Variants in SLC22A4 observed in about 807,000 individuals in gnomAD.
SLC22A4 encodes solute carrier family 22 member 4.
In SLC22A4, 39 loss-of-function variants were observed where a neutral mutation model predicts 56.6. The observed-to-expected ratio is 0.69, with a 90% CI of 0.53 to 0.90. The LOEUF is 0.90. Ranked by LOEUF, SLC22A4 falls within the 40% of genes least tolerant of loss-of-function variation. The pLI is 0.00. For missense variants in SLC22A4, 594 were observed against 696.5 expected, an observed-to-expected ratio of 0.85 and a Z score of 1.66; for synonymous variants, 241 against 281.4, an observed-to-expected ratio of 0.86 and a Z score of 1.44.
rs540364573 is a variant in SLC22A4, at chr5:132,320,335, C to A, written c.653-1849C>A. Reference sequence around the variant, plus strand: ...CCCTTTCTCTTTTCCAAAATCAAACCCTCTGCCACTGAATCTCTGCTTAAG... The same window carrying A: ...CCCTTTCTCTTTTCCAAAATCAAACACTCTGCCACTGAATCTCTGCTTAAG... On this transcript the variant is annotated intron_variant, in intron 3 of 9. Coordinates refer to ENST00000200652, the MANE Select transcript of SLC22A4 (RefSeq NM_003059.3). 3.9e-4 allele frequency among the ~76,000 whole-genome samples: 59 copies of A among 152,286 alleles called. 1 individual carries two copies. The highest frequency in any genetic ancestry group is 2.1e-3 in the Admixed American group (32 of 15,302).
At chr5:132,314,826 G>A (rs900958354) in intron 3 of SLC22A4, among the ~76,000 whole-genome samples, 1 of 152,158 alleles carries the variant, frequency 6.6e-6, no homozygotes, top group East Asian at 1.9e-4. Flanking sequence ...AATTATTTGC[G>A]AAGAGCCCCG....
chr5:132,335,034 A>C, intron 7 of SLC22A4, 102 bp downstream of exon 7: 3 of 839,440 alleles, frequency 3.6e-6, no homozygotes, highest in Non-Finnish European at 6.2e-6. Flanking sequence ...TTTACATCAT[A>C]AGCCATTCAT....
chr5:132,335,244 C>T (rs771183103), intron 7 of SLC22A4, among the ~76,000 whole-genome samples: 3 of 152,210 alleles, frequency 2.0e-5, no homozygotes, highest in Non-Finnish European at 2.9e-5. Context: ...TCTGGCTACT[C>T]TCAAACATTT....
intron 4 of SLC22A4, among the ~76,000 whole-genome samples, chr5:132,324,137 C>T (rs273916): frequency 4.0e-5 from 6 of 151,798 alleles, no homozygotes; most frequent in Admixed American, 1.3e-4. Context: ...GATTACAGTG[C>T]GCTATATGAT....
chr5:132,335,033 TA>T (rs1219829952), intron 7 of SLC22A4, 101 bp downstream of exon 7: 1 of 843,750 alleles, frequency 1.2e-6, no homozygotes, highest in African/African-American at 1.7e-5. Context: ...CTTTACATCA[TA>T]AGCCATTCAT....
intron 8 of SLC22A4, among the ~76,000 whole-genome samples, chr5:132,337,417 C>T (rs1243597701): frequency 1.3e-5 from 2 of 151,434 alleles, no homozygotes; most frequent in East Asian, 1.9e-4. Flanking sequence ...GAACTACAGG[C>T]ATGCACACCG....
At chr5:132,302,489 G>C (rs910503000) in intron 1 of SLC22A4, among the ~76,000 whole-genome samples, 4 of 152,182 alleles carry the variant, frequency 2.6e-5, no homozygotes, top group Non-Finnish European at 5.9e-5. Flanking sequence ...GAAAGGCAAG[G>C]ATCCCCATTT....
chr5:132,305,651 T>C (rs992432529), intron 1 of SLC22A4, among the ~76,000 whole-genome samples: 14 of 152,120 alleles, frequency 9.2e-5, no homozygotes, highest in Non-Finnish European at 1.8e-4. Context: ...ATATTCTAAG[T>C]GCTGAAGGAA....
At chr5:132,331,368 A>T (rs1387978907) in intron 5 of SLC22A4, among the ~76,000 whole-genome samples, 2 of 152,010 alleles carry the variant, frequency 1.3e-5, no homozygotes, top group Admixed American at 1.3e-4. Flanking sequence ...GAAGTGTAAA[A>T]AGCAGACGTG....
At chr5:132,338,860 C>T (rs272876) in intron 8 of SLC22A4, among the ~76,000 whole-genome samples, 1,758 of 152,190 alleles carry the variant, frequency 0.012, 34 homozygotes, top group African/African-American at 0.041. Flanking sequence ...GTGCAGTTAA[C>T]GCAATCATCA....
chr5:132,330,452 G>C (rs757309721), intron 5 of SLC22A4, among the ~76,000 whole-genome samples: 1 of 152,194 alleles, frequency 6.6e-6, no homozygotes, highest in Non-Finnish European at 1.5e-5. Context: ...TAGGCCGGGC[G>C]CAGTGGCTCA....
At chr5:132,324,946 A>G (rs1750649206) in intron 4 of SLC22A4, among the ~76,000 whole-genome samples, 1 of 152,242 alleles carries the variant, frequency 6.6e-6, no homozygotes, top group South Asian at 2.1e-4. Flanking sequence ...AGGTAAACCT[A>G]CATAGAGGCA....
chr5:132,328,677 C>T (rs1750754146), intron 5 of SLC22A4, among the ~76,000 whole-genome samples: 1 of 152,126 alleles, frequency 6.6e-6, no homozygotes, highest in Admixed American at 6.5e-5. Context: ...AGCTAGGTGG[C>T]CTGATTCCTA....
At chr5:132,319,773 A>T (rs533629535) in intron 3 of SLC22A4, among the ~76,000 whole-genome samples, 77 of 152,228 alleles carry the variant, frequency 5.1e-4, no homozygotes, top group African/African-American at 1.8e-3. Flanking sequence ...TTGTATTCTT[A>T]GTAGAGACAG....
At chr5:132,325,156 A>G (rs1750655212) in intron 4 of SLC22A4, among the ~76,000 whole-genome samples, 1 of 152,232 alleles carries the variant, frequency 6.6e-6, no homozygotes, top group African/African-American at 2.4e-5. Context: ...GTCTGTAGAA[A>G]AAAAGGTAGG....
Position 132,334,775 on chromosome 5 carries a change from A to C in SLC22A4, c.1104A>C (p.Gly368=). The C allele has an allele frequency of 1.2e-6, 2 of 1,614,092 alleles. No individual in the cohort carries two copies. Among genetic ancestry groups the C allele is most frequent in the East Asian group, 2.2e-5 (1 of 44,888 alleles). Residue 368 remains glycine (G), a synonymous_variant, in exon 7 of 10, where the codon GGA becomes GGC. Transcript: ENST00000200652. The part of the protein sequence containing the change: ...ALSLDAPNLH[G]DAYLNCFLSA... ...CTCTGGATGCTCCTAATTTACATGG[A>C]GATGCCTACCTGAACTGTTTCCTCT... is the stretch of plus-strand genomic sequence containing the variant.
chr5:132,319,147 C>G (rs1004854429), intron 3 of SLC22A4, among the ~76,000 whole-genome samples: 2 of 151,978 alleles, frequency 1.3e-5, no homozygotes, highest in Non-Finnish European at 1.5e-5. Context: ...ACTAAAAATA[C>G]AAAAATTAGC....
chr5:132,306,384 A>AAT (rs55779142), intron 1 of SLC22A4, among the ~76,000 whole-genome samples: 5 of 30,612 alleles, frequency 1.6e-4, no homozygotes, highest in African/African-American at 1.7e-4. Context: ...CAAACCGTGA[A>AAT]ATATATATAT....
intron 4 of SLC22A4, among the ~76,000 whole-genome samples, chr5:132,323,601 A>C (rs962434585): frequency 6.6e-6 from 1 of 152,258 alleles, no homozygotes; most frequent in Non-Finnish European, 1.5e-5. Context: ...CCTGAGGAGC[A>C]GTGAATAAGG....
Sources: gnomAD v4.1 joint callset for allele counts (sites outside exome capture counted in the v4.1 genomes callset) on GRCh38, gnomAD v4.1.1 for gene constraint, MANE v1.5 for transcripts, NCBI Gene and HGNC (gene_info 2026-07-23, HGNC 2026-07-21) for gene names.